Variants in RIPOR2 observed in about 807,000 individuals in gnomAD.
RIPOR2 encodes the protein rho family-interacting cell polarization regulator 2.
A neutral mutation model predicts 114.5 loss-of-function variants in RIPOR2; 39 were observed. The observed-to-expected ratio is 0.34, with a 90% confidence interval of 0.26 to 0.44. The LOEUF is 0.44. Among genes scored for constraint, RIPOR2 ranks in the 20% least tolerant of loss-of-function variants. RIPOR2 has a pLI of 1.00. For missense variants in RIPOR2, 1,007 were observed against 1,255.1 expected, an observed-to-expected ratio of 0.80 and a Z score of 2.99; for synonymous variants, 445 against 484.4, an observed-to-expected ratio of 0.92 and a Z score of 1.07.
chr6:24,844,654 T>C (rs909510495), intron 12 of RIPOR2, among the ~76,000 whole-genome samples: 3 of 151,814 alleles, frequency 2.0e-5, no homozygotes, highest in Non-Finnish European at 2.9e-5. Context: ...TGTATTTTCT[T>C]TGTAGTGAGA....
chr6:24,830,348 G>A (rs1760566568), intron 17 of RIPOR2, among the ~76,000 whole-genome samples, 161 bp downstream of exon 17: 1 of 152,188 alleles, frequency 6.6e-6, no homozygotes, highest in African/African-American at 2.4e-5. Flanking sequence ...CTGAGTAGAT[G>A]ATGTTTTCCC....
In RIPOR2 at chr6:24,806,181, G is replaced by A; in HGVS notation, c.*192C>T. On this transcript the variant is annotated 3_prime_UTR_variant, in exon 22 of 22. Transcript: ENST00000643898. ...TGCCCAGGTTGGTCTTGAACCTCCT[G>A]GGCTTAAGCAATTCTCCTGCGTTGG... 1.7e-6 allele frequency: 1 copy of A among 579,946 alleles called. No individual in the cohort carries two copies. Among genetic ancestry groups the A allele is most frequent in the Non-Finnish European group, 3.0e-6 (1 of 331,950 alleles). 35.9% of individuals were successfully genotyped at this position (579,946 alleles called of 1,614,324 possible).
At chr6:24,941,558 C>T (rs545031826) in intron 1 of RIPOR2, among the ~76,000 whole-genome samples, 1 of 152,126 alleles carries the variant, frequency 6.6e-6, no homozygotes, top group East Asian at 1.9e-4. Flanking sequence ...CACTAATTGT[C>T]CCAAATTAAA....
At chr6:24,855,531 A>C (rs1293952323) in intron 8 of RIPOR2, among the ~76,000 whole-genome samples, 1 of 152,246 alleles carries the variant, frequency 6.6e-6, no homozygotes, top group African/African-American at 2.4e-5. Context: ...CTGGTCCAGA[A>C]ACAGCTGTTA....
At chr6:25,026,038 G>T (rs1314035924) in intron 1 of RIPOR2, among the ~76,000 whole-genome samples, 2 of 140,310 alleles carry the variant, frequency 1.4e-5, no homozygotes, top group Non-Finnish European at 3.0e-5. Context: ...AAGTTACAAA[G>T]ATTGTTGTTT....
At chr6:25,014,506 A>C (rs1317730676) in intron 1 of RIPOR2, among the ~76,000 whole-genome samples, 1 of 152,258 alleles carries the variant, frequency 6.6e-6, no homozygotes, top group Non-Finnish European at 1.5e-5. Flanking sequence ...TAAAGATTGC[A>C]CATGATTCTG....
intron 1 of RIPOR2, chr6:24,929,429 T>C (rs1771205524): frequency 6.6e-6 from 1 of 152,254 alleles, no homozygotes; most frequent in Non-Finnish European, 1.5e-5. Context: ...AACTAGCACC[T>C]GGCACAGCCT....
Position 24,806,139 on chromosome 6 carries a change from A to G in RIPOR2, c.*234T>C. On this transcript the variant is annotated 3_prime_UTR_variant, in exon 22 of 22. Coordinates refer to ENST00000643898, the MANE Select transcript of RIPOR2 (RefSeq NM_001286445.3). ...TAATTAAACTATTTTTTTTGTAGAG[A>G]CAGGGCCTTGCTATGTTGCCCAGGT... 1 of 511,424 alleles carries G rather than the reference A, an allele frequency of 2.0e-6. No individual in the cohort carries two copies. Among genetic ancestry groups the G allele is most frequent in the Non-Finnish European group, 3.4e-6 (1 of 293,500 alleles). 31.7% of individuals were successfully genotyped at this position (511,424 alleles called of 1,614,324 possible). A position where few individuals can be genotyped will look rare whatever the true frequency, so the allele number is the denominator to read the frequency against.
intron 1 of RIPOR2, among the ~76,000 whole-genome samples, chr6:24,916,121 T>G (rs1477888613): frequency 6.6e-6 from 1 of 152,244 alleles, no homozygotes; most frequent in African/African-American, 2.4e-5. Flanking sequence ...GGCTCTAACA[T>G]TTGACAATTC....
Position 24,832,376 on chromosome 6 carries a change from T to C in RIPOR2, c.2224A>G (p.Ser742Gly). 1 of 1,552,132 alleles carries C rather than the reference T, an allele frequency of 6.4e-7. No homozygotes were observed. Among genetic ancestry groups the C allele is most frequent in the Non-Finnish European group, 8.7e-7 (1 of 1,147,048 alleles). The change falls in exon 16 of 22, where the codon AGC (serine) becomes GGC (glycine). Residue 742 changes from serine (S) to glycine (G), a missense_variant. Transcript: ENST00000643898. ...TQLVQQIVFS[S>G]KTPFVARSLL... ...CTTCTTGCCACAAATGGGGTTTTGC[T>C]TGAGAAAACAATTTGCTGGTAAAAC...
chr6:25,018,046 C>A (rs1216689569), intron 1 of RIPOR2, among the ~76,000 whole-genome samples: 3 of 152,176 alleles, frequency 2.0e-5, no homozygotes, highest in African/African-American at 7.2e-5. Context: ...CCTAGGAAAG[C>A]CATAGCATTG....
In RIPOR2 at chr6:24,835,862, C is replaced by T. The variant is rs373584238; in HGVS notation, c.2049G>A (p.Ser683=). 2,072 of 1,551,478 alleles carry T rather than the reference C, an allele frequency of 1.3e-3. 1 individual carries two copies. Among genetic ancestry groups the T allele is most frequent in the Non-Finnish European group, 1.7e-3 (1,901 of 1,146,938 alleles). The change falls in exon 15 of 22, where the codon TCG becomes TCA. Residue 683 remains serine (S), a synonymous_variant. Coordinates refer to ENST00000643898, the MANE Select transcript of RIPOR2 (RefSeq NM_001286445.3). ...DTETEKHSYR[S]VHPEARGHLS... is the part of the protein sequence containing the mutation. ...GATGCCCCCTGGCTTCTGGGTGAAC[C>T]GACCTGTAACTATTGAAGGTGGGCA...
chr6:24,861,152 T>G, intron 7 of RIPOR2, 116 bp from the exon 8 acceptor site: 1 of 673,084 alleles, frequency 1.5e-6, no homozygotes, highest in Admixed American at 2.4e-5. Flanking sequence ...CATTTACCTG[T>G]TTGCTCCACA....
At position 24,850,728 on chromosome 6, in the gene RIPOR2, G is replaced by C; in HGVS notation, c.760-6C>G. On this transcript the variant is annotated splice_polypyrimidine_tract_variant and splice_region_variant and intron_variant, in intron 9 of 21. Transcript: ENST00000643898. ...CGGCCATACTTCATGAAAATCTGGA[G>C]AGGAGACATCCAAGGGCCTTCATGT... The C allele has an allele frequency of 6.2e-7, 1 of 1,613,458 alleles. No homozygotes were observed.
At chr6:24,838,923 C>T (rs1367789881) in intron 14 of RIPOR2, among the ~76,000 whole-genome samples, 168 bp downstream of exon 14, 1 of 152,150 alleles carries the variant, frequency 6.6e-6, no homozygotes, top group Non-Finnish European at 1.5e-5. Flanking sequence ...ATAATATTGA[C>T]CCTTTTATTG....
chr6:24,967,779 A>C (rs992180245), intron 1 of RIPOR2, among the ~76,000 whole-genome samples: 2 of 152,112 alleles, frequency 1.3e-5, no homozygotes, highest in Non-Finnish European at 2.9e-5. Context: ...TCCTTTGTGG[A>C]TGAGGAAACT....
At chr6:24,952,816 T>C (rs750053252) in intron 1 of RIPOR2, among the ~76,000 whole-genome samples, 15 of 152,240 alleles carry the variant, frequency 9.9e-5, no homozygotes, top group Non-Finnish European at 1.8e-4. Flanking sequence ...TGCTGTTTGC[T>C]TTACAAAAGT....
intron 1 of RIPOR2, among the ~76,000 whole-genome samples, chr6:24,914,959 C>T (rs945047238): frequency 6.6e-6 from 1 of 152,176 alleles, no homozygotes; most frequent in African/African-American, 2.4e-5. Context: ...CTGTCTATCA[C>T]ATAATTTTTT....
intron 13 of RIPOR2, among the ~76,000 whole-genome samples, chr6:24,841,047 C>A (rs1255870881): frequency 1.3e-5 from 2 of 152,110 alleles, no homozygotes; most frequent in Non-Finnish European, 1.5e-5. Context: ...ATTTTAGTAG[C>A]AGGACAATTT....
Sources: gnomAD v4.1 joint callset for allele counts (sites outside exome capture counted in the v4.1 genomes callset) on GRCh38, gnomAD v4.1.1 for gene constraint, MANE v1.5 for transcripts, NCBI Gene and HGNC (gene_info 2026-07-23, HGNC 2026-07-21) for gene names.